Variants in NRXN1 observed in about 807,000 individuals in gnomAD.
NRXN1 encodes the protein neurexin-1.
A neutral mutation model predicts 150.9 loss-of-function variants in NRXN1; 39 were observed. The ratio of observed to expected loss-of-function variants is 0.26; its 90% CI spans 0.20 to 0.34. The LOEUF (loss-of-function observed/expected upper bound fraction) is 0.34. Among genes scored for constraint, NRXN1 ranks in the 10% least tolerant of loss-of-function variants. The pLI is 1.00. For synonymous variants in NRXN1, 924 were observed against 757.0 expected (o/e 1.22, Z -3.62); for missense variants, 1,815 against 1,949.9 (o/e 0.93, Z 1.30).
chr2:50,316,602 G>A (rs912076812), intron 17 of NRXN1, among the ~76,000 whole-genome samples: 1 of 152,002 alleles, frequency 6.6e-6, no homozygotes, highest in African/African-American at 2.4e-5. Context: ...CTGATGTCAT[G>A]TAATAAAATA....
At chr2:51,006,073 T>C (rs1020024271) in intron 2 of NRXN1, among the ~76,000 whole-genome samples, 3 of 151,872 alleles carry the variant, frequency 2.0e-5, no homozygotes, top group Non-Finnish European at 2.9e-5. Flanking sequence ...CTCGGTATGA[T>C]AGAAGCTAGC....
intron 5 of NRXN1, among the ~76,000 whole-genome samples, chr2:50,862,225 T>C (rs1676245219): frequency 6.6e-6 from 1 of 150,638 alleles, no homozygotes; most frequent in African/African-American, 2.4e-5. Flanking sequence ...AAAAAATTCA[T>C]GCTAGTATAG....
chr2:50,373,264 T>C (rs974397778), intron 17 of NRXN1, among the ~76,000 whole-genome samples: 1 of 149,654 alleles, frequency 6.7e-6, no homozygotes, highest in African/African-American at 2.5e-5. Context: ...AAGACCAGGA[T>C]GTCCATATCA....
At chr2:50,176,186 A>T (rs2060344445) in intron 18 of NRXN1, among the ~76,000 whole-genome samples, 1 of 152,148 alleles carries the variant, frequency 6.6e-6, no homozygotes, top group African/African-American at 2.4e-5. Flanking sequence ...AAACCTTGAT[A>T]TATGTTTTTC....
intron 18 of NRXN1, among the ~76,000 whole-genome samples, chr2:50,203,448 T>G (rs1230959849): frequency 6.6e-6 from 1 of 152,176 alleles, no homozygotes; most frequent in African/African-American, 2.4e-5. Context: ...AGATTTGAAA[T>G]GTTGGAATTC....
intron 5 of NRXN1, among the ~76,000 whole-genome samples, chr2:50,790,142 C>T (rs72837077): frequency 0.076 from 11,516 of 151,728 alleles, 557 homozygotes; most frequent in Non-Finnish European, 0.1. Context: ...CCACCACACA[C>T]ACACACACAC....
chr2:50,525,325 CA>C (rs1316645225), intron 12 of NRXN1, among the ~76,000 whole-genome samples: 2 of 152,216 alleles, frequency 1.3e-5, no homozygotes, highest in Admixed American at 6.5e-5. Context: ...TTCGTTAATT[CA>C]GATAGTTTTT....
At chr2:50,385,728 C>T (rs555369094) in intron 17 of NRXN1, among the ~76,000 whole-genome samples, 1 of 152,108 alleles carries the variant, frequency 6.6e-6, no homozygotes, top group Non-Finnish European at 1.5e-5. Flanking sequence ...CAACAATCAA[C>T]ATCCTCATGT....
At chr2:50,004,777 G>A (rs1297980159) in intron 21 of NRXN1, among the ~76,000 whole-genome samples, 2 of 152,110 alleles carry the variant, frequency 1.3e-5, no homozygotes, top group Admixed American at 6.6e-5. Flanking sequence ...AGCTTCTATT[G>A]TCTTCTTTCT....
chr2:50,402,283 AT>A lies in NRXN1; in HGVS notation c.3364+63158del, dbSNP rs202203518. Reference sequence around the variant, plus strand: ...TATAAGTATGGATACAAGAGAAATCATTTTTTTGTTGGTTTTTTTAAATGGT... The same window carrying A: ...TATAAGTATGGATACAAGAGAAATCATTTTTTGTTGGTTTTTTTAAATGGT... On this transcript the variant is annotated intron_variant, in intron 17 of 22. Coordinates refer to ENST00000401669, the MANE Select transcript of NRXN1 (RefSeq NM_001330078.2). Among the ~76,000 whole-genome samples the A allele has an allele frequency of 9.8e-3, 1,492 of 151,892 alleles. 15 individuals carry two copies. Among genetic ancestry groups the A allele is most frequent in the Non-Finnish European group, 0.015 (1,052 of 67,946 alleles).
intron 5 of NRXN1, among the ~76,000 whole-genome samples, chr2:50,712,300 A>G (rs1052771086): frequency 1.3e-5 from 2 of 152,144 alleles, no homozygotes; most frequent in Admixed American, 6.6e-5. Context: ...ATCTCCGTAT[A>G]TCAAAGCAAC....
At chr2:50,748,876 T>G (rs992438960) in intron 5 of NRXN1, among the ~76,000 whole-genome samples, 1 of 152,052 alleles carries the variant, frequency 6.6e-6, no homozygotes, top group Non-Finnish European at 1.5e-5. Flanking sequence ...TGTCAGTGAG[T>G]GTCTGGTTTC....
At chr2:50,102,934 G>C (rs1025252064) in intron 18 of NRXN1, among the ~76,000 whole-genome samples, 1 of 151,934 alleles carries the variant, frequency 6.6e-6, no homozygotes, top group Non-Finnish European at 1.5e-5. Flanking sequence ...GGAATAATGC[G>C]TAACAAAAGT....
intron 5 of NRXN1, among the ~76,000 whole-genome samples, chr2:50,657,274 G>C (rs1037229952): frequency 6.6e-6 from 1 of 151,874 alleles, no homozygotes; most frequent in African/African-American, 2.4e-5. Context: ...TCCTTCCTCT[G>C]CCTGCTAAAT....
intron 5 of NRXN1, among the ~76,000 whole-genome samples, chr2:50,665,615 T>C (rs1031652733): frequency 5.9e-5 from 9 of 152,044 alleles, no homozygotes; most frequent in Non-Finnish European, 1.2e-4. Context: ...GTATTTGAGC[T>C]TGTGACTTAT....
intron 5 of NRXN1, among the ~76,000 whole-genome samples, chr2:50,788,853 T>A (rs1705529104): frequency 6.6e-6 from 1 of 152,064 alleles, no homozygotes; most frequent in Non-Finnish European, 1.5e-5. Flanking sequence ...AATTATCACA[T>A]AAGCACTATG....
chr2:50,144,257 C>T (rs79876904), intron 18 of NRXN1, among the ~76,000 whole-genome samples: 4,606 of 151,866 alleles, frequency 0.03, 108 homozygotes, highest in South Asian at 0.046. Flanking sequence ...TGGTAAGCTT[C>T]CTTCATATTT....
intron 2 of NRXN1, among the ~76,000 whole-genome samples, chr2:50,993,869 G>T (rs576820654): frequency 6.6e-6 from 1 of 151,840 alleles, no homozygotes; most frequent in African/African-American, 2.4e-5. Context: ...GCTGAAAAGG[G>T]GAACCCAGAG....
intron 5 of NRXN1, among the ~76,000 whole-genome samples, chr2:50,756,329 T>C (rs1276990535): frequency 6.6e-6 from 1 of 151,590 alleles, no homozygotes; most frequent in African/African-American, 2.4e-5. Context: ...ACTCAGAGCA[T>C]AGCAAAGTGC....
Sources: gnomAD v4.1 joint callset for allele counts (sites outside exome capture counted in the v4.1 genomes callset) on GRCh38, gnomAD v4.1.1 for gene constraint, MANE v1.5 for transcripts, NCBI Gene and HGNC (gene_info 2026-07-23, HGNC 2026-07-21) for gene names.